The following OR14A2 variants were observed in gnomAD, a reference collection of about 807,000 sequenced individuals.
OR14A2 encodes the protein olfactory receptor family 14 subfamily A member 2.
For missense variants in OR14A2, 237 were observed against 152.9 expected (o/e 1.55, Z -2.90); for synonymous variants, 114 against 58.6 (o/e 1.95, Z -4.32).
chr1:247,734,397 C>T, the OR14A2 span, among the ~76,000 whole-genome samples: 1 of 152,148 alleles, frequency 6.6e-6, no homozygotes, highest in South Asian at 2.1e-4. Context: ...GTTTAAGCTA[C>T]CCCATCTGTA....
the OR14A2 span, among the ~76,000 whole-genome samples, chr1:247,732,477 C>T: frequency 6.6e-6 from 1 of 152,260 alleles, no homozygotes; most frequent in Middle Eastern, 3.4e-3. Context: ...CATGTGCTTT[C>T]TGTTGGAGAA....
the OR14A2 span, among the ~76,000 whole-genome samples, chr1:247,733,465 GAC>G: frequency 6.6e-6 from 1 of 152,126 alleles, no homozygotes; most frequent in Non-Finnish European, 1.5e-5. Context: ...CTTAAGGAAA[GAC>G]ATTTCCTGTT....
chr1:247,746,672 GT>G, the OR14A2 span: 1 of 152,164 alleles, frequency 6.6e-6, no homozygotes, highest in Admixed American at 6.5e-5. Context: ...GCATACAAGG[GT>G]TTGTTTTGAG....
At chr1:247,735,260 CAT>C in the OR14A2 span, among the ~76,000 whole-genome samples, 2 of 152,190 alleles carry the variant, frequency 1.3e-5, no homozygotes, top group Non-Finnish European at 2.9e-5. Flanking sequence ...TAAACAAATC[CAT>C]GTTTCAGACC....
chr1:247,738,748 T>C, the OR14A2 span: 1 of 780,722 alleles, frequency 1.3e-6, no homozygotes, highest in African/African-American at 1.7e-5. Flanking sequence ...GTCATCATTC[T>C]CCTCATGATT....
At chr1:247,734,206 G>C in the OR14A2 span, among the ~76,000 whole-genome samples, 2 of 152,226 alleles carry the variant, frequency 1.3e-5, no homozygotes, top group South Asian at 2.1e-4. Context: ...TTAGAACAGG[G>C]ATTAGGGCAC....
At chr1:247,723,980 G>A (rs779547225) in exon 1 of OR14A2, 53 of 715,932 alleles carry the variant, frequency 7.4e-5, no homozygotes, top group South Asian at 4.3e-4. Context: ...TATAAAATCC[G>A]CAGCTTCTGG....
the OR14A2 span, among the ~76,000 whole-genome samples, chr1:247,730,678 G>A: frequency 1.3e-5 from 2 of 151,962 alleles, no homozygotes; most frequent in African/African-American, 4.8e-5. Context: ...ATTTACACAT[G>A]TATTAGTCAG....
chr1:247,734,816 A>G, the OR14A2 span, among the ~76,000 whole-genome samples: 1 of 152,346 alleles, frequency 6.6e-6, no homozygotes, highest in Non-Finnish European at 1.5e-5. Context: ...GGGTGTCCAC[A>G]AGAGGTTGCT....
At chr1:247,742,272 A>G in the OR14A2 span, among the ~76,000 whole-genome samples, 3 of 152,058 alleles carry the variant, frequency 2.0e-5, no homozygotes. Flanking sequence ...GATAATACAC[A>G]CACACACGCA....
At chr1:247,732,475 T>G in the OR14A2 span, among the ~76,000 whole-genome samples, 2 of 152,180 alleles carry the variant, frequency 1.3e-5, no homozygotes, top group Admixed American at 1.3e-4. Context: ...CACATGTGCT[T>G]TCTGTTGGAG....
At chr1:247,731,797 T>C in the OR14A2 span, among the ~76,000 whole-genome samples, 1 of 152,124 alleles carries the variant, frequency 6.6e-6, no homozygotes, top group South Asian at 2.1e-4. Flanking sequence ...TTGAGATAAA[T>C]GACCAATATA....
chr1:247,735,080 T>C, the OR14A2 span, among the ~76,000 whole-genome samples: 4 of 152,202 alleles, frequency 2.6e-5, no homozygotes, highest in Non-Finnish European at 5.9e-5. Flanking sequence ...GCCCCTGGCA[T>C]CACTTAAGAA....
chr1:247,726,956 T>C (rs1281187344), upstream of OR14A2, among the ~76,000 whole-genome samples: 1 of 146,414 alleles, frequency 6.8e-6, no homozygotes, highest in Non-Finnish European at 1.5e-5. Context: ...TAGCTTGAAG[T>C]CAGGTAGTGT....
chr1:247,727,037 A>G (rs866897897), upstream of OR14A2, among the ~76,000 whole-genome samples: 247 of 150,736 alleles, frequency 1.6e-3, 5 homozygotes, highest in Middle Eastern at 3.4e-3. Flanking sequence ...GTGCCATATG[A>G]ACTTTAAAGT....
At chr1:247,728,228 A>C (rs1660430491), upstream of OR14A2, among the ~76,000 whole-genome samples, 1 of 152,198 alleles carries the variant, frequency 6.6e-6, no homozygotes, top group African/African-American at 2.4e-5. Flanking sequence ...ATCCACTATG[A>C]TCAAGTGGGC....
chr1:247,723,560 A>G, exon 1 of OR14A2: 1 of 718,334 alleles, frequency 1.4e-6, no homozygotes, highest in South Asian at 1.5e-5. Flanking sequence ...GGCATGGAAA[A>G]TGTGCCAGCT....
upstream of OR14A2, among the ~76,000 whole-genome samples, chr1:247,725,637 C>A (rs924949254): frequency 1.4e-5 from 2 of 141,426 alleles, no homozygotes; most frequent in East Asian, 4.1e-4. Flanking sequence ...CCCACTAACT[C>A]GTCATCTAGC....
chr1:247,745,682 A>G, the OR14A2 span, among the ~76,000 whole-genome samples: 1 of 152,174 alleles, frequency 6.6e-6, no homozygotes. Context: ...AATAAAAATC[A>G]AAAATATAGG....
Sources: gnomAD v4.1 joint callset for allele counts (sites outside exome capture counted in the v4.1 genomes callset) on GRCh38, gnomAD v4.1.1 for gene constraint, MANE v1.5 for transcripts, NCBI Gene and HGNC (gene_info 2026-07-23, HGNC 2026-07-21) for gene names.